Variants in CDH13 observed in about 807,000 individuals in gnomAD.
CDH13 encodes cadherin 13.
CDH13 carries 24 observed loss-of-function variants against 63.8 expected under a neutral mutation model. The ratio of observed to expected loss-of-function variants is 0.38; its 90% CI spans 0.27 to 0.53. CDH13 has a LOEUF of 0.53. CDH13 is among the 20% of genes least tolerant of loss of function. The pLI is 0.85. For synonymous variants in CDH13, 503 were observed against 355.3 expected, an observed-to-expected ratio of 1.42 and a Z score of -4.67; for missense variants, 1,049 against 903.1, an observed-to-expected ratio of 1.16 and a Z score of -2.07.
At chr16:82,942,085 C>T (rs1309101054) in intron 2 of CDH13, among the ~76,000 whole-genome samples, 1 of 152,134 alleles carries the variant, frequency 6.6e-6, no homozygotes, top group East Asian at 1.9e-4. Context: ...AGGCTTATTG[C>T]TTCTTGTGTC....
chr16:82,630,476 C>T (rs1257703173), intron 1 of CDH13, among the ~76,000 whole-genome samples: 1 of 152,216 alleles, frequency 6.6e-6, no homozygotes, highest in East Asian at 1.9e-4. Context: ...CCTCCCTTCT[C>T]CCCTTTTCTA....
chr16:83,384,686 A>C (rs1424664200), intron 6 of CDH13, among the ~76,000 whole-genome samples: 1 of 152,200 alleles, frequency 6.6e-6, no homozygotes, highest in Admixed American at 6.5e-5. Context: ...GGTGAAGAGG[A>C]GGCTAGACAG....
At chr16:83,565,947 G>A (rs1354033363) in intron 7 of CDH13, among the ~76,000 whole-genome samples, 1 of 152,046 alleles carries the variant, frequency 6.6e-6, no homozygotes, top group Non-Finnish European at 1.5e-5. Context: ...TCTTCTTTCA[G>A]CACCCACCTC....
chr16:82,754,955 G>C (rs735921), intron 1 of CDH13, among the ~76,000 whole-genome samples: 5,457 of 152,274 alleles, frequency 0.036, 130 homozygotes, highest in Non-Finnish European at 0.056. Context: ...TGTTTGTTAA[G>C]GAGAAACTCA....
intron 5 of CDH13, among the ~76,000 whole-genome samples, chr16:83,307,150 T>C (rs1187307350): frequency 6.6e-6 from 1 of 152,186 alleles, no homozygotes; most frequent in Non-Finnish European, 1.5e-5. Flanking sequence ...TAAGCCATGG[T>C]GTCCTGGGAA....
At chr16:83,519,914 T>A (rs969625165) in intron 7 of CDH13, among the ~76,000 whole-genome samples, 4 of 152,082 alleles carry the variant, frequency 2.6e-5, no homozygotes, top group Admixed American at 6.5e-5. Context: ...ATGTGAAATC[T>A]TCTGCTTGCT....
At position 83,796,690 on chromosome 16, in the gene CDH13, C is replaced by T. The variant is rs1420776879; in HGVS notation, c.*1660C>T. ...AGTGCAAGTTCACATTTTTGACAGA[C>T]CATTTGGGGTCCGTCGTACATCTCT... On this transcript the variant is annotated 3_prime_UTR_variant, in exon 14 of 14. Transcript: ENST00000567109. The T allele has an allele frequency of 6.6e-6, 1 of 152,044 alleles. No individual in the cohort carries two copies. The highest frequency in any genetic ancestry group is 1.5e-5 in the Non-Finnish European group (1 of 68,018). 9.4% of individuals were successfully genotyped at this position (152,044 alleles called of 1,614,324 possible). A position where few individuals can be genotyped will look rare whatever the true frequency, so the allele number is the denominator to read the frequency against.
intron 2 of CDH13, chr16:82,925,808 A>T (rs1449277736): frequency 1.3e-5 from 2 of 152,000 alleles, no homozygotes; most frequent in Non-Finnish European, 2.9e-5. Context: ...ATCTTGATTC[A>T]CTGGCTCCAG....
chr16:83,696,757 C>T lies in CDH13; in HGVS notation c.1538+18296C>T, dbSNP rs149117884. ...ACTACATAAACTTTGTCTAAGCCAC[C>T]ACCATCGTTCACCCAGATGACAATA... is the stretch of plus-strand genomic sequence containing the variant. On this transcript the variant is annotated intron_variant, in intron 10 of 13. Transcript: ENST00000567109. Among the ~76,000 whole-genome samples, 1,087 of 152,268 alleles carry T rather than the reference C, an allele frequency of 7.1e-3. 12 individuals are homozygous for T. The highest frequency in any genetic ancestry group is 0.025 in the African/African-American group (1,029 of 41,540).
At chr16:83,306,510 C>T (rs1476225933) in intron 5 of CDH13, among the ~76,000 whole-genome samples, 1 of 152,188 alleles carries the variant, frequency 6.6e-6, no homozygotes, top group East Asian at 1.9e-4. Context: ...GTGCCCACTT[C>T]CCCTTTGACT....
At chr16:83,526,078 T>C (rs911155268) in intron 7 of CDH13, among the ~76,000 whole-genome samples, 2 of 152,216 alleles carry the variant, frequency 1.3e-5, no homozygotes, top group Non-Finnish European at 2.9e-5. Flanking sequence ...CGTGCTGTCG[T>C]AATTTGTTAC....
intron 1 of CDH13, among the ~76,000 whole-genome samples, chr16:82,669,780 G>T (rs893543870): frequency 2.0e-5 from 3 of 152,152 alleles, no homozygotes; most frequent in African/African-American, 7.2e-5. Context: ...ACCCTCTCCA[G>T]TGAGATATAC....
At chr16:83,048,265 A>G (rs997999082) in intron 3 of CDH13, among the ~76,000 whole-genome samples, 27 of 152,346 alleles carry the variant, frequency 1.8e-4, no homozygotes, top group African/African-American at 6.5e-4. Flanking sequence ...AAAAGAACTC[A>G]AGCATGTATA....
rs1029542042 is a variant in CDH13, at chr16:83,411,395, G to A, written c.781+66389G>A. On this transcript the variant is annotated intron_variant, in intron 6 of 13. Coordinates refer to ENST00000567109, the MANE Select transcript of CDH13 (RefSeq NM_001257.5). ...CATCCAATGTATATCACCGTTGTGT[G>A]GTTTATTGTTGGCTTCTTCATTGCT... 1.9e-4 allele frequency among the ~76,000 whole-genome samples: 29 copies of A among 152,102 alleles called. 1 individual carries two copies. Among genetic ancestry groups the A allele is most frequent in the South Asian group, 4.2e-4 (2 of 4,814 alleles).
chr16:83,545,408 A>G (rs901291436), intron 7 of CDH13, among the ~76,000 whole-genome samples: 8 of 152,208 alleles, frequency 5.3e-5, no homozygotes, highest in African/African-American at 1.2e-4. Context: ...GCTTCATTCT[A>G]TTGGGACACC....
chr16:83,492,180 A>C (rs2074028611), intron 7 of CDH13, among the ~76,000 whole-genome samples: 1 of 145,406 alleles, frequency 6.9e-6, no homozygotes, highest in African/African-American at 2.5e-5. Flanking sequence ...TGATGATATC[A>C]AATCAAGCTG....
At chr16:83,112,771 T>A (rs1367255382) in intron 3 of CDH13, among the ~76,000 whole-genome samples, 1 of 152,226 alleles carries the variant, frequency 6.6e-6, no homozygotes, top group Admixed American at 6.5e-5. Flanking sequence ...CTGTACCTTT[T>A]TCTTTAGCAT....
intron 1 of CDH13, among the ~76,000 whole-genome samples, chr16:82,710,101 A>T (rs545747713): frequency 8.8e-5 from 13 of 148,478 alleles, no homozygotes; most frequent in Non-Finnish European, 1.6e-4. Flanking sequence ...ATGTAAATAC[A>T]TTTAAATATA....
rs1908293519 is a variant in CDH13, at chr16:83,605,986, A to T, written c.1101+3392A>T. Among the ~76,000 whole-genome samples, 3 of 152,314 alleles carry T rather than the reference A, an allele frequency of 2.0e-5. No homozygotes were observed. In the South Asian group the frequency reaches 6.2e-4, roughly 32 times the overall value. ...AGAGACCAAGAGAAACCTGCTGGGG[A>T]GAGGAGAGCTCCTAATGAGGACTGG... On this transcript the variant is annotated intron_variant, in intron 8 of 13. Transcript: ENST00000567109.
Sources: gnomAD v4.1 joint callset for allele counts (sites outside exome capture counted in the v4.1 genomes callset) on GRCh38, gnomAD v4.1.1 for gene constraint, MANE v1.5 for transcripts, NCBI Gene and HGNC (gene_info 2026-07-23, HGNC 2026-07-21) for gene names.